PTPRN2: variants seen among roughly 807,000 people sequenced by gnomAD.
PTPRN2 encodes the protein protein tyrosine phosphatase receptor type N2.
Under a neutral mutation model 118.8 loss-of-function variants are expected in PTPRN2, and 74 were observed. The observed-to-expected ratio is 0.62, with a 90% CI of 0.52 to 0.76. PTPRN2 has a LOEUF of 0.76. PTPRN2 is among the 30% of genes least tolerant of loss of function. The pLI is 0.00. For missense variants in PTPRN2, 1,481 were observed against 1,394.4 expected (o/e 1.06, Z -0.99); for synonymous variants, 641 against 608.0 (o/e 1.05, Z -0.80).
At chr7:157,960,034 G>A (rs1801422012) in intron 11 of PTPRN2, among the ~76,000 whole-genome samples, 1 of 152,096 alleles carries the variant, frequency 6.6e-6, no homozygotes. Flanking sequence ...GCTACAACAC[G>A]GGTAAACCTT....
Position 157,787,040 on chromosome 7 carries a change from G to A in PTPRN2, c.1789-104103C>T, listed in dbSNP as rs915359949. 5.4e-5 allele frequency among the ~76,000 whole-genome samples: 8 copies of A among 147,082 alleles called. No homozygotes were observed. Among genetic ancestry groups the A allele is most frequent in the African/African-American group, 7.6e-5 (3 of 39,288 alleles). ...CGGACACAGGTGCGGCGGGGGACGC[G>A]GGGGTGGCTGCCCGGGAGGCGGACG... is the stretch of plus-strand genomic sequence containing the variant. On this transcript the variant is annotated intron_variant, in intron 12 of 22. Coordinates refer to ENST00000389418, the MANE Select transcript of PTPRN2 (RefSeq NM_002847.5). This position sits in a 1 kb window ranked among gnomAD's most constrained non-coding sequence, Gnocchi z 5.3.
chr7:157,560,534 G>C lies in PTPRN2; in HGVS notation c.2902+8368C>G, dbSNP rs1320240051. Among the ~76,000 whole-genome samples, 1 of 152,156 alleles carries C rather than the reference G, an allele frequency of 6.6e-6. No homozygotes were observed. Among genetic ancestry groups the C allele is most frequent in the African/African-American group, 2.4e-5 (1 of 41,446 alleles). On this transcript the variant is annotated intron_variant, in intron 21 of 22. Coordinates refer to ENST00000389418, the MANE Select transcript of PTPRN2 (RefSeq NM_002847.5). The surrounding 1 kb of genome is among the most constrained non-coding windows in gnomAD (Gnocchi z 6.7). ...ACACGGGACAGGGCACTGCAGACCG[G>C]CCCGGGAACCTGGGGACACCTCACG...
intron 1 of PTPRN2, among the ~76,000 whole-genome samples, chr7:158,498,541 G>GTTTTAATCAGCTCCTGGT (rs1563362655): frequency 1.3e-5 from 2 of 151,838 alleles, no homozygotes; most frequent in Non-Finnish European, 2.9e-5. Context: ...ATGGCACGTG[G>GTTTTAATCAGCTCCTGGT]TTTTAATCAG....
chr7:158,543,518 G>A (rs1372003984), intron 1 of PTPRN2, among the ~76,000 whole-genome samples: 1 of 152,220 alleles, frequency 6.6e-6, no homozygotes, highest in Non-Finnish European at 1.5e-5. Flanking sequence ...TTCAAAAACA[G>A]CATTGAGGGT....
Position 158,438,085 on chromosome 7 carries a change from T to A in PTPRN2, c.163+51650A>T, listed in dbSNP as rs77910064. On this transcript the variant is annotated intron_variant, in intron 2 of 22. Coordinates refer to ENST00000389418, the MANE Select transcript of PTPRN2 (RefSeq NM_002847.5). The surrounding 1 kb of genome is among the most constrained non-coding windows in gnomAD (Gnocchi z 4.7). ...CAGTGCCCCTCCGATGGGTCTTTTT[T>A]AAGTTTTTTTGGCCAGGGGCTGTGG... 0.016 allele frequency among the ~76,000 whole-genome samples: 2,428 copies of A among 152,248 alleles called. 65 individuals carry two copies. Among genetic ancestry groups the A allele is most frequent in the African/African-American group, 0.056 (2,313 of 41,544 alleles).
intron 11 of PTPRN2, among the ~76,000 whole-genome samples, chr7:157,934,783 C>T (rs1039886379): frequency 3.9e-5 from 6 of 152,318 alleles, no homozygotes; most frequent in African/African-American, 1.4e-4. Context: ...CCTGGGTCTC[C>T]AACTGCTGTG....
intron 16 of PTPRN2, among the ~76,000 whole-genome samples, chr7:157,600,746 G>A (rs536061473): frequency 6.6e-6 from 1 of 152,124 alleles, no homozygotes; most frequent in Admixed American, 6.6e-5. Flanking sequence ...TTTTTATATC[G>A]TATTCTTAGG....
At chr7:158,193,922 A>G (rs1825991377) in intron 4 of PTPRN2, among the ~76,000 whole-genome samples, 1 of 150,724 alleles carries the variant, frequency 6.6e-6, no homozygotes, top group Non-Finnish European at 1.5e-5. Flanking sequence ...AAAAAAAAAA[A>G]AAAGGAATAT....
chr7:158,170,469 A>G (rs1163255464), intron 5 of PTPRN2, among the ~76,000 whole-genome samples: 4 of 152,238 alleles, frequency 2.6e-5, no homozygotes, highest in African/African-American at 9.6e-5. Flanking sequence ...ATCACAGCAG[A>G]GTGTGATCTG....
chr7:158,109,636 G>C (rs1250683414), intron 10 of PTPRN2, among the ~76,000 whole-genome samples: 1 of 151,836 alleles, frequency 6.6e-6, no homozygotes, highest in Non-Finnish European at 1.5e-5. Flanking sequence ...CATGTGAAGA[G>C]TGTCTGAATG....
intron 11 of PTPRN2, among the ~76,000 whole-genome samples, chr7:157,900,225 C>CG (rs1797363387): frequency 6.6e-6 from 1 of 152,216 alleles, no homozygotes; most frequent in African/African-American, 2.4e-5. Context: ...GGCAGGCCCA[C>CG]GGCTCTGTCG....
rs143529675 is a variant in PTPRN2 at position 157,803,734 on chromosome 7, G to T, written c.1788+94939C>A. 1.8e-4 allele frequency among the ~76,000 whole-genome samples: 28 copies of T among 152,146 alleles called. No individual in the cohort carries two copies. The East Asian group carries it at 5.2e-3, about 28-fold the overall frequency. On this transcript the variant is annotated intron_variant, in intron 12 of 22. Coordinates refer to ENST00000389418, the MANE Select transcript of PTPRN2 (RefSeq NM_002847.5). ...CATGCTTATGAAGGAGCACTTGGCAGTGTATGAGTTGTTTCTGGACTCTCT... is the reference window on the plus strand; with the variant it reads ...CATGCTTATGAAGGAGCACTTGGCATTGTATGAGTTGTTTCTGGACTCTCT...
chr7:157,778,791 C>T (rs1388008892), intron 12 of PTPRN2, among the ~76,000 whole-genome samples: 2 of 152,092 alleles, frequency 1.3e-5, no homozygotes, highest in African/African-American at 4.8e-5. Context: ...CCCACATAAA[C>T]ATGTCCACGT....
intron 11 of PTPRN2, among the ~76,000 whole-genome samples, chr7:157,982,060 G>A (rs1408832420): frequency 4.9e-5 from 7 of 141,798 alleles, no homozygotes; most frequent in East Asian, 2.1e-4. Context: ...TCATAGAGAT[G>A]AGGAGGGGAA....
rs537066271 is a variant in PTPRN2, at chr7:158,110,932, G to A, written c.1557-17C>T. The A allele has an allele frequency of 2.6e-6, 4 of 1,546,390 alleles. No homozygotes were observed. The highest frequency in any genetic ancestry group is 2.4e-5 in the East Asian group (1 of 41,642). On this transcript the variant is annotated splice_polypyrimidine_tract_variant and intron_variant, in intron 9 of 22. Transcript: ENST00000389418. ...CGCAGGGGGCTGCGGATGACAGCAG[G>A]GATGGGGAGCAGTCACCACAGAGCC...
intron 11 of PTPRN2, among the ~76,000 whole-genome samples, chr7:157,906,731 C>T (rs1485980730): frequency 6.6e-6 from 1 of 152,168 alleles, no homozygotes; most frequent in Non-Finnish European, 1.5e-5. Context: ...GGCGCTGGGG[C>T]ACACGCTGTT....
At chr7:158,020,084 C>G (rs995906977) in intron 11 of PTPRN2, among the ~76,000 whole-genome samples, 1 of 152,234 alleles carries the variant, frequency 6.6e-6, no homozygotes, top group Non-Finnish European at 1.5e-5. Context: ...AGCTGGGGCC[C>G]TGTGTCCTTG....
intron 21 of PTPRN2, among the ~76,000 whole-genome samples, chr7:157,567,328 G>T (rs1041951057): frequency 3.9e-5 from 6 of 152,162 alleles, no homozygotes; most frequent in African/African-American, 1.4e-4. Flanking sequence ...CTAATCTTGG[G>T]TGTTTAAAAT....
intron 3 of PTPRN2, among the ~76,000 whole-genome samples, chr7:158,261,484 C>T (rs144612510): frequency 6.0e-4 from 92 of 152,240 alleles, no homozygotes; most frequent in Middle Eastern, 3.4e-3. Context: ...CAGGGCCCAG[C>T]GACTCCCTGC....
Sources: gnomAD v4.1 joint callset for allele counts (sites outside exome capture counted in the v4.1 genomes callset) on GRCh38, gnomAD v4.1.1 for gene constraint, Gnocchi (gnomAD v3.1) non-coding constraint, MANE v1.5 for transcripts, NCBI Gene and HGNC (gene_info 2026-07-23, HGNC 2026-07-21) for gene names.